CNTNAP2: variants seen among roughly 807,000 people sequenced by gnomAD.
The protein encoded by CNTNAP2 is contactin associated protein 2.
A neutral mutation model predicts 155.2 loss-of-function variants in CNTNAP2; 98 were observed. The ratio of observed to expected loss-of-function variants is 0.63; its 90% CI spans 0.54 to 0.75. The LOEUF (loss-of-function observed/expected upper bound fraction) is 0.75. CNTNAP2 is among the 30% of genes least tolerant of loss of function. The probability of loss-of-function intolerance (pLI) is 0.00; values close to 1 mark genes in which losing one functional copy is unlikely to be tolerated. For synonymous variants in CNTNAP2, 651 were observed against 631.2 expected (o/e 1.03, Z -0.47); for missense variants, 1,727 against 1,688.1 (o/e 1.02, Z -0.40).
intron 20 of CNTNAP2, among the ~76,000 whole-genome samples, chr7:148,249,449 T>C (rs1033963105): frequency 1.3e-5 from 2 of 152,232 alleles, no homozygotes; most frequent in Non-Finnish European, 1.5e-5. Flanking sequence ...TATTCACTCC[T>C]GTGATGATCT....
chr7:147,215,768 C>G (rs1803255029), intron 8 of CNTNAP2, among the ~76,000 whole-genome samples: 1 of 152,160 alleles, frequency 6.6e-6, no homozygotes, highest in South Asian at 2.1e-4. Context: ...AACTGCCAAA[C>G]TGTCTTTCAA....
chr7:147,778,688 T>C (rs1005949445), intron 13 of CNTNAP2, among the ~76,000 whole-genome samples: 3 of 152,192 alleles, frequency 2.0e-5, no homozygotes, highest in African/African-American at 7.2e-5. Flanking sequence ...TTTTACTGTA[T>C]TTTTGGTAGA....
At chr7:147,746,244 ATC>A in intron 13 of CNTNAP2, among the ~76,000 whole-genome samples, 1 of 152,306 alleles carries the variant, frequency 6.6e-6, no homozygotes, top group South Asian at 2.1e-4. Flanking sequence ...CTGATCCCCA[ATC>A]TGTTTGCTCT....
chr7:146,429,459 T>C (rs1563080650), intron 1 of CNTNAP2, among the ~76,000 whole-genome samples: 1 of 152,176 alleles, frequency 6.6e-6, no homozygotes, highest in Admixed American at 6.6e-5. Context: ...GTTAGTTGTA[T>C]TCCTAGGTAT....
At chr7:147,619,139 C>T (rs1332103631) in intron 12 of CNTNAP2, among the ~76,000 whole-genome samples, 1 of 152,126 alleles carries the variant, frequency 6.6e-6, no homozygotes, top group Non-Finnish European at 1.5e-5. Context: ...TCAGTAGTTC[C>T]ACAAGACATT....
chr7:146,358,212 T>A (rs1795031473), intron 1 of CNTNAP2, among the ~76,000 whole-genome samples: 1 of 151,900 alleles, frequency 6.6e-6, no homozygotes. Flanking sequence ...TTTTTTGTAT[T>A]TTTAGTAGAG....
chr7:147,383,603 C>A (rs826653), intron 9 of CNTNAP2, among the ~76,000 whole-genome samples: 3 of 151,800 alleles, frequency 2.0e-5, no homozygotes, highest in Admixed American at 1.3e-4. Flanking sequence ...GGGAACACCA[C>A]GCACCGGGGC....
chr7:146,929,109 G>T (rs1031754875), intron 3 of CNTNAP2, among the ~76,000 whole-genome samples: 3 of 152,214 alleles, frequency 2.0e-5, no homozygotes, highest in Non-Finnish European at 4.4e-5. Context: ...TGCAGCTGGA[G>T]ATTTGAGAAT....
At chr7:147,962,515 T>C (rs563927027) in intron 14 of CNTNAP2, among the ~76,000 whole-genome samples, 1 of 152,208 alleles carries the variant, frequency 6.6e-6, no homozygotes, top group Non-Finnish European at 1.5e-5. Context: ...TTTATACATG[T>C]GTTGAATTTG....
chr7:147,720,120 T>C (rs1282272178), intron 13 of CNTNAP2, among the ~76,000 whole-genome samples: 1 of 152,142 alleles, frequency 6.6e-6, no homozygotes, highest in East Asian at 1.9e-4. Context: ...TAAATTCCAA[T>C]TTTCCCAAAG....
At position 146,669,088 on chromosome 7, in the gene CNTNAP2, A is replaced by T. The variant is rs555624064; in HGVS notation, c.98-105183A>T. Reference sequence around the variant, plus strand: ...CTTTCCTGATAATATATTTTGAATGATTCAGGAAAACTTAAGAAACGTAAG... The same window carrying T: ...CTTTCCTGATAATATATTTTGAATGTTTCAGGAAAACTTAAGAAACGTAAG... On this transcript the variant is annotated intron_variant, in intron 1 of 23. Transcript: ENST00000361727. 3.3e-5 allele frequency among the ~76,000 whole-genome samples: 5 copies of T among 152,282 alleles called. No individual in the cohort carries two copies. In the South Asian group the frequency reaches 1.0e-3, roughly 32 times the overall value.
chr7:146,768,982 G>A (rs1467166255), intron 1 of CNTNAP2, among the ~76,000 whole-genome samples: 3 of 152,130 alleles, frequency 2.0e-5, no homozygotes, highest in Non-Finnish European at 4.4e-5. Flanking sequence ...CCTCTCAGCC[G>A]TATCTTTTAG....
intron 12 of CNTNAP2, among the ~76,000 whole-genome samples, chr7:147,601,415 G>C (rs10227269): frequency 2.6e-5 from 4 of 151,912 alleles, no homozygotes. Context: ...GGTGCTCAGT[G>C]GGGGAGCTTT....
At chr7:146,268,974 A>G (rs1800037219) in intron 1 of CNTNAP2, among the ~76,000 whole-genome samples, 2 of 152,162 alleles carry the variant, frequency 1.3e-5, no homozygotes, top group Non-Finnish European at 2.9e-5. Flanking sequence ...CATCATCTTT[A>G]CCTAATGATC....
chr7:147,752,522 C>A (rs2116505433), intron 13 of CNTNAP2, among the ~76,000 whole-genome samples: 1 of 152,284 alleles, frequency 6.6e-6, no homozygotes, highest in South Asian at 2.1e-4. Flanking sequence ...TGTGTGTGTA[C>A]AGGAAGGGGC....
intron 15 of CNTNAP2, among the ~76,000 whole-genome samples, chr7:148,114,851 G>C (rs1180292536): frequency 1.3e-5 from 2 of 152,176 alleles, no homozygotes; most frequent in African/African-American, 4.8e-5. Flanking sequence ...AGTAAAAGCA[G>C]AAGTTCTAAC....
intron 10 of CNTNAP2, among the ~76,000 whole-genome samples, chr7:147,407,070 T>TG (rs1223417395): frequency 6.6e-6 from 1 of 152,164 alleles, no homozygotes; most frequent in Non-Finnish European, 1.5e-5. Flanking sequence ...CCCCCCCCTC[T>TG]GGGAAATTAG....
At chr7:147,572,512 A>G (rs866414411) in intron 12 of CNTNAP2, among the ~76,000 whole-genome samples, 4 of 152,150 alleles carry the variant, frequency 2.6e-5, no homozygotes, top group Admixed American at 6.6e-5. Context: ...TGACAAAACA[A>G]TATCTTATAG....
intron 12 of CNTNAP2, among the ~76,000 whole-genome samples, chr7:147,598,484 C>T (rs1403214088): frequency 1.3e-5 from 2 of 152,104 alleles, no homozygotes; most frequent in East Asian, 1.9e-4. Flanking sequence ...TTTCCAGCTT[C>T]ATCCATGTCC....
Sources: allele counts gnomAD v4.1 joint callset (sites outside exome capture counted in the v4.1 genomes callset), GRCh38; gene constraint gnomAD v4.1.1; transcripts MANE v1.5; gene names NCBI Gene and HGNC (gene_info 2026-07-23, HGNC 2026-07-21).